Variants in TXNDC8 observed in about 807,000 individuals in gnomAD.
TXNDC8 encodes the protein thioredoxin domain containing 8.
A neutral mutation model predicts 12.9 loss-of-function variants in TXNDC8; 15 were observed. The observed-to-expected ratio is 1.16, with a 90% confidence interval of 0.78 to 1.79. The LOEUF (loss-of-function observed/expected upper bound fraction) is 1.79, where lower values mean the gene tolerates loss of function less well. TXNDC8 is among the 40% of genes most tolerant of loss of function. The pLI is 0.00. For synonymous variants in TXNDC8, 40 were observed against 35.4 expected, an observed-to-expected ratio of 1.13 and a Z score of -0.46; for missense variants, 128 against 113.2, an observed-to-expected ratio of 1.13 and a Z score of -0.59.
chr9:110,311,042 G>A (rs1474736535), intron 3 of TXNDC8, among the ~76,000 whole-genome samples: 2 of 152,182 alleles, frequency 1.3e-5, no homozygotes, highest in African/African-American at 2.4e-5. Context: ...TCAAAGCTAA[G>A]CTATAAACTA....
At chr9:110,302,295 C>G (rs1004060187), downstream of TXNDC8, among the ~76,000 whole-genome samples, 7 of 151,938 alleles carry the variant, frequency 4.6e-5, no homozygotes, top group Non-Finnish European at 1.0e-4. Flanking sequence ...GCCACCATGC[C>G]TGGCTAATTT....
chr9:110,325,433 C>T (rs1438193174), intron 3 of TXNDC8, among the ~76,000 whole-genome samples: 2 of 150,274 alleles, frequency 1.3e-5, no homozygotes, highest in Non-Finnish European at 1.5e-5. Context: ...CCCGAGCCTG[C>T]GTGCTCAACC....
chr9:110,329,374 G>C (rs1839467758), intron 2 of TXNDC8, 83 bp from the exon 3 acceptor site: 1 of 1,033,942 alleles, frequency 9.7e-7, no homozygotes, highest in African/African-American at 1.6e-5. Context: ...CAGTAGAAAA[G>C]AAAATTGAAC....
chr9:110,306,906 G>A (rs1838490122), intron 3 of TXNDC8, among the ~76,000 whole-genome samples: 1 of 151,776 alleles, frequency 6.6e-6, no homozygotes, highest in Non-Finnish European at 1.5e-5. Flanking sequence ...CTACACCAAG[G>A]ATGAAGACTA....
At chr9:110,331,427 G>A (rs1839537247) in intron 2 of TXNDC8, among the ~76,000 whole-genome samples, 1 of 152,200 alleles carries the variant, frequency 6.6e-6, no homozygotes, top group Non-Finnish European at 1.5e-5. Flanking sequence ...CCACAGGTGG[G>A]TCTGTGGTGC....
chr9:110,329,411 A>G, intron 2 of TXNDC8, 120 bp from the exon 3 acceptor site: 1 of 723,010 alleles, frequency 1.4e-6, no homozygotes, highest in Non-Finnish European at 2.3e-6. Context: ...AGGACTAAGC[A>G]TCATTCTGAC....
intron 3 of TXNDC8, among the ~76,000 whole-genome samples, chr9:110,320,230 A>G (rs1181836407): frequency 6.6e-6 from 1 of 152,184 alleles, no homozygotes; most frequent in Non-Finnish European, 1.5e-5. Flanking sequence ...CTTGAGTTGT[A>G]GCTCCGATAA....
At chr9:110,302,927 G>C (rs932425846), downstream of TXNDC8, among the ~76,000 whole-genome samples, 3 of 152,116 alleles carry the variant, frequency 2.0e-5, no homozygotes, top group Admixed American at 2.0e-4. Flanking sequence ...AGCCAGTTGT[G>C]ATGACGCCTG....
chr9:110,333,105 G>T (rs986249240), intron 2 of TXNDC8, among the ~76,000 whole-genome samples: 3 of 152,100 alleles, frequency 2.0e-5, no homozygotes, highest in Non-Finnish European at 1.5e-5. Context: ...TGTTTAATGG[G>T]TGTAAAGATA....
In TXNDC8 at chr9:110,323,782, C is replaced by T. The variant is rs963309330; in HGVS notation, c.195+2393G>A. On this transcript the variant is annotated intron_variant, in intron 3 of 4. Transcript: ENST00000423740. ...TCTGTTTTCTTCTGTGTGGTAGATT[C>T]GTTTTCAGGTTTTACATGGTGACAA... 22 of 1,455,626 alleles carry T rather than the reference C, an allele frequency of 1.5e-5. No individual in the cohort carries two copies. The African/African-American group carries it at 2.1e-4, about 14-fold the overall frequency. The allele number at this position is 1,455,626 out of a possible 1,614,324, so 90.2% of individuals were successfully genotyped here. A position where few individuals can be genotyped will look rare whatever the true frequency, so the allele number is the denominator to read the frequency against.
chr9:110,324,066 A>G lies in TXNDC8; in HGVS notation c.195+2109T>C, dbSNP rs984072610. 31 of 1,504,878 alleles carry G rather than the reference A, an allele frequency of 2.1e-5. No homozygotes were observed. The Middle Eastern group carries it at 5.2e-4, about 25-fold the overall frequency. 93.2% of individuals were successfully genotyped at this position (1,504,878 alleles called of 1,614,324 possible). A position where few individuals can be genotyped will look rare whatever the true frequency, so the allele number is the denominator to read the frequency against. Reference sequence around the variant, plus strand: ...TTCCTTGGAGGAAAATCAGAGTACTATTAATAGAGAATGGATGCTGGGTGC... The same window carrying G: ...TTCCTTGGAGGAAAATCAGAGTACTGTTAATAGAGAATGGATGCTGGGTGC... On this transcript the variant is annotated intron_variant, in intron 3 of 4. Coordinates refer to ENST00000423740, the MANE Select transcript of TXNDC8 (RefSeq NM_001286946.2).
intron 3 of TXNDC8, among the ~76,000 whole-genome samples, chr9:110,320,837 T>C (rs1839063355): frequency 6.6e-6 from 1 of 152,206 alleles, no homozygotes; most frequent in African/African-American, 2.4e-5. Flanking sequence ...CAATTAATCT[T>C]CCTGAAACAT....
At chr9:110,316,058 C>T (rs900881302) in intron 3 of TXNDC8, among the ~76,000 whole-genome samples, 4 of 150,666 alleles carry the variant, frequency 2.7e-5, no homozygotes, top group Non-Finnish European at 5.9e-5. Context: ...CCACCACACT[C>T]GGCTAATTTT....
downstream of TXNDC8, among the ~76,000 whole-genome samples, chr9:110,302,354 T>C (rs1033788533): frequency 4.6e-5 from 7 of 152,176 alleles, no homozygotes; most frequent in African/African-American, 1.7e-4. Context: ...CAGGCTGGTC[T>C]CAAACTCCTG....
intron 3 of TXNDC8, chr9:110,323,402 C>A (rs1191673672): frequency 4.4e-6 from 4 of 910,834 alleles, no homozygotes; most frequent in Non-Finnish European, 5.2e-6. Flanking sequence ...GTTAATGGTG[C>A]TTCTGTGTAG....
At chr9:110,330,767 A>G (rs1839514920) in intron 2 of TXNDC8, among the ~76,000 whole-genome samples, 1 of 152,222 alleles carries the variant, frequency 6.6e-6, no homozygotes, top group South Asian at 2.1e-4. Context: ...AAAGTTGAGT[A>G]ACTGTGACAG....
intron 3 of TXNDC8, among the ~76,000 whole-genome samples, chr9:110,313,578 G>A (rs1838769720): frequency 6.6e-6 from 1 of 152,176 alleles, no homozygotes; most frequent in African/African-American, 2.4e-5. Context: ...GCACATGCCT[G>A]TAATCCCAGC....
intron 3 of TXNDC8, among the ~76,000 whole-genome samples, chr9:110,325,102 C>T (rs1839254436): frequency 6.6e-6 from 1 of 151,876 alleles, no homozygotes; most frequent in Non-Finnish European, 1.5e-5. Context: ...CCTGGGTGAC[C>T]TTGCAAGACT....
intron 3 of TXNDC8, chr9:110,322,465 A>T (rs746489342): frequency 1.0e-5 from 10 of 985,278 alleles, no homozygotes; most frequent in African/African-American, 1.7e-5. Flanking sequence ...GACCAGTTAG[A>T]TATAATTGTT....
Sources: allele counts gnomAD v4.1 joint callset (sites outside exome capture counted in the v4.1 genomes callset), GRCh38; gene constraint gnomAD v4.1.1; transcripts MANE v1.5; gene names NCBI Gene and HGNC (gene_info 2026-07-23, HGNC 2026-07-21).